PNPLA8: variants seen among roughly 807,000 people sequenced by gnomAD.
PNPLA8 encodes the protein calcium-independent phospholipase A2-gamma.
PNPLA8 carries 39 observed loss-of-function variants against 76.9 expected under a neutral mutation model. The observed-to-expected ratio is 0.51, with a 90% confidence interval of 0.39 to 0.66. PNPLA8 has a LOEUF of 0.66. Among genes scored for constraint, PNPLA8 ranks in the 30% least tolerant of loss-of-function variants. The pLI is 0.00. For missense variants in PNPLA8, 887 were observed against 918.0 expected, an observed-to-expected ratio of 0.97 and a Z score of 0.44; for synonymous variants, 301 against 307.9, an observed-to-expected ratio of 0.98 and a Z score of 0.24.
chr7:108,484,110 A>G (rs1198762168), intron 9 of PNPLA8, among the ~76,000 whole-genome samples: 2 of 152,248 alleles, frequency 1.3e-5, no homozygotes, highest in African/African-American at 4.8e-5. Flanking sequence ...GCAAGAAACG[A>G]TAACTGCAAA....
At position 108,522,726 on chromosome 7, in the gene PNPLA8, C is replaced by A. The variant is rs556404365; in HGVS notation, c.-129-1205G>T. On this transcript the variant is annotated intron_variant, in intron 1 of 10. Transcript: ENST00000257694. Reference sequence around the variant, plus strand: ...CCAAAATTCAGGCAGGAAATGGAGACTAGGCTATGGTAAGAATTTTGCATT... The same window carrying A: ...CCAAAATTCAGGCAGGAAATGGAGAATAGGCTATGGTAAGAATTTTGCATT... 1.2e-3 allele frequency among the ~76,000 whole-genome samples: 181 copies of A among 152,202 alleles called. 1 individual carries two copies. Among genetic ancestry groups the A allele is most frequent in the African/African-American group, 4.2e-3 (175 of 41,528 alleles).
chr7:108,517,552 A>G (rs117944733), intron 2 of PNPLA8, among the ~76,000 whole-genome samples: 1 of 152,358 alleles, frequency 6.6e-6, no homozygotes, highest in Non-Finnish European at 1.5e-5. Context: ...AATATACGGT[A>G]TGTGTATGTG....
intron 10 of PNPLA8, among the ~76,000 whole-genome samples, chr7:108,477,028 G>A (rs1860047753): frequency 6.6e-6 from 1 of 152,144 alleles, no homozygotes; most frequent in African/African-American, 2.4e-5. Flanking sequence ...CAAATTTTCA[G>A]TTATGACTAC....
intron 4 of PNPLA8, chr7:108,511,031 C>T (rs1332251391): frequency 3.1e-5 from 17 of 542,238 alleles, no homozygotes; most frequent in Non-Finnish European, 4.7e-5. Context: ...AGTACCTGCT[C>T]TCAAATTGGA....
rs925660537 is a variant in PNPLA8, at chr7:108,470,542, G to A, written c.*1859C>T. ...TTTAGGACTAGAGTGACCTTATGAT[G>A]AGGTGCAAATATGTAAATATGCATA... On this transcript the variant is annotated 3_prime_UTR_variant, in exon 11 of 11. Coordinates refer to ENST00000257694, the MANE Select transcript of PNPLA8 (RefSeq NM_001256007.3). 14 of 152,246 alleles carry A rather than the reference G, an allele frequency of 9.2e-5. No homozygotes were observed. Among genetic ancestry groups the A allele is most frequent in the African/African-American group, 3.4e-4 (14 of 41,550 alleles). The allele number at this position is 152,246 out of a possible 1,614,324, so 9.4% of individuals were successfully genotyped here.
At chr7:108,486,697 G>GAGATAAAATTGATA (rs1860760379) in intron 9 of PNPLA8, among the ~76,000 whole-genome samples, 1 of 152,072 alleles carries the variant, frequency 6.6e-6, no homozygotes, top group Non-Finnish European at 1.5e-5. Flanking sequence ...GTATCAAAAT[G>GAGATAAAATTGATA]AGATAAAATT....
At chr7:108,518,966 T>A (rs890669551) in intron 2 of PNPLA8, among the ~76,000 whole-genome samples, 7 of 151,302 alleles carry the variant, frequency 4.6e-5, no homozygotes, top group Admixed American at 6.6e-5. Flanking sequence ...TTATTTATAA[T>A]GAGGTTTTAT....
chr7:108,481,588 G>A (rs190975420), intron 9 of PNPLA8, among the ~76,000 whole-genome samples: 2 of 152,092 alleles, frequency 1.3e-5, no homozygotes, highest in East Asian at 3.8e-4. Context: ...TAACTCCTTT[G>A]TTGGACATGT....
chr7:108,483,797 C>G (rs901034095), intron 9 of PNPLA8, among the ~76,000 whole-genome samples: 21 of 152,218 alleles, frequency 1.4e-4, no homozygotes, highest in South Asian at 1.0e-3. Flanking sequence ...AAGCTATTTC[C>G]TAAAGGCCTT....
chr7:108,510,844 T>C, intron 4 of PNPLA8: 1 of 1,598,432 alleles, frequency 6.3e-7, no homozygotes, highest in South Asian at 1.1e-5. Context: ...AAGAGGCAAA[T>C]AACTTCCTGT....
intron 1 of PNPLA8, among the ~76,000 whole-genome samples, chr7:108,522,423 T>C (rs1389166733): frequency 6.6e-6 from 1 of 152,170 alleles, no homozygotes; most frequent in African/African-American, 2.4e-5. Flanking sequence ...CCCAAACATT[T>C]CTTCTACTGA....
intron 4 of PNPLA8, among the ~76,000 whole-genome samples, chr7:108,510,033 G>A (rs1379597074): frequency 8.4e-6 from 1 of 119,510 alleles, no homozygotes; most frequent in African/African-American, 3.2e-5. Context: ...GTGGTGGGGT[G>A]GGGGGAGGGG....
At chr7:108,483,789 G>A (rs1419545140) in intron 9 of PNPLA8, among the ~76,000 whole-genome samples, 1 of 152,098 alleles carries the variant, frequency 6.6e-6, no homozygotes, top group African/African-American at 2.4e-5. Flanking sequence ...TAATAATTAA[G>A]CTATTTCCTA....
intron 8 of PNPLA8, among the ~76,000 whole-genome samples, chr7:108,488,594 T>C (rs1041004874): frequency 6.6e-6 from 1 of 152,098 alleles, no homozygotes; most frequent in African/African-American, 2.4e-5. Flanking sequence ...AAAAAACTGC[T>C]TCAAGATAAG....
chr7:108,527,335 G>T (rs1480260726), upstream of PNPLA8, among the ~76,000 whole-genome samples: 1 of 152,148 alleles, frequency 6.6e-6, no homozygotes, highest in African/African-American at 2.4e-5. Context: ...ACAGTGTCTG[G>T]ATTATGTACA....
At chr7:108,524,563 G>A (rs1863950948) in intron 1 of PNPLA8, among the ~76,000 whole-genome samples, 1 of 152,180 alleles carries the variant, frequency 6.6e-6, no homozygotes, top group Non-Finnish European at 1.5e-5. Flanking sequence ...GGTGGCTCAG[G>A]CCTGAAATCC....
intron 4 of PNPLA8, among the ~76,000 whole-genome samples, chr7:108,512,022 CTTCTGCTGAAATATTA>C (rs1380174154): frequency 6.6e-6 from 1 of 152,168 alleles, no homozygotes; most frequent in Non-Finnish European, 1.5e-5. Flanking sequence ...CCCGTGGCAA[CTTCTGCTGAAATATTA>C]TTTCCTTGCC....
intron 10 of PNPLA8, among the ~76,000 whole-genome samples, chr7:108,478,025 T>C (rs941460711): frequency 7.2e-5 from 11 of 152,186 alleles, no homozygotes; most frequent in African/African-American, 2.6e-4. Context: ...GACAGAAGGA[T>C]AATAAGTAAA....
At chr7:108,513,826 G>C (rs1383726197) in intron 4 of PNPLA8, among the ~76,000 whole-genome samples, 2 of 152,102 alleles carry the variant, frequency 1.3e-5, no homozygotes, top group Non-Finnish European at 2.9e-5. Flanking sequence ...TAAAAGAACA[G>C]TTACATAGTA....
Sources: gnomAD v4.1 joint callset for allele counts (sites outside exome capture counted in the v4.1 genomes callset) on GRCh38, gnomAD v4.1.1 for gene constraint, MANE v1.5 for transcripts, NCBI Gene and HGNC (gene_info 2026-07-23, HGNC 2026-07-21) for gene names.